The following OSBPL8 variants were observed in gnomAD, a reference collection of about 807,000 sequenced individuals.
OSBPL8 encodes the protein oxysterol-binding protein-related protein 8.
A neutral mutation model predicts 125.5 loss-of-function variants in OSBPL8; 59 were observed. The ratio of observed to expected loss-of-function variants is 0.47; its 90% CI spans 0.38 to 0.58. The LOEUF (loss-of-function observed/expected upper bound fraction) is 0.58, where lower values mean the gene tolerates loss of function less well. Ranked by LOEUF, OSBPL8 falls within the 20% of genes least tolerant of loss-of-function variation. The pLI, the probability that OSBPL8 is intolerant of heterozygous loss-of-function variation, is 0.00. For missense variants in OSBPL8, 758 were observed against 1,047.8 expected (o/e 0.72, Z 3.82); for synonymous variants, 330 against 338.9 (o/e 0.97, Z 0.29).
intron 4 of OSBPL8, among the ~76,000 whole-genome samples, chr12:76,414,073 A>G (rs966239452): frequency 1.3e-5 from 2 of 152,212 alleles, no homozygotes; most frequent in Non-Finnish European, 2.9e-5. Context: ...TCCACCTGGA[A>G]TTGACATTTG....
intron 8 of OSBPL8, among the ~76,000 whole-genome samples, chr12:76,397,248 T>TA (rs1216373598): frequency 1.7e-4 from 25 of 150,678 alleles, no homozygotes; most frequent in Admixed American, 4.0e-4. Context: ...TTATAGGCTT[T>TA]ACATCACTAC....
intron 1 of OSBPL8, among the ~76,000 whole-genome samples, chr12:76,556,338 C>T (rs768880018): frequency 2.6e-5 from 4 of 152,046 alleles, no homozygotes; most frequent in Admixed American, 6.6e-5. Context: ...ATAAGGTCTC[C>T]GAAAATAGCT....
chr12:76,492,731 A>T (rs1237442597), intron 1 of OSBPL8, among the ~76,000 whole-genome samples: 1 of 152,176 alleles, frequency 6.6e-6, no homozygotes, highest in Non-Finnish European at 1.5e-5. Context: ...TGGACCATCT[A>T]GCTGCAGGAA....
chr12:76,537,085 T>C (rs1277165427), intron 1 of OSBPL8: 1 of 152,502 alleles, frequency 6.6e-6, no homozygotes, highest in East Asian at 1.9e-4. Context: ...AATATAATTA[T>C]AGCTAAGCAA....
At chr12:76,536,924 C>T (rs756320869) in intron 1 of OSBPL8, 19 of 151,154 alleles carry the variant, frequency 1.3e-4, no homozygotes, top group African/African-American at 3.7e-4. Context: ...TGCTATGATA[C>T]ATGATAAATA....
intron 4 of OSBPL8, among the ~76,000 whole-genome samples, chr12:76,435,152 C>A: frequency 8.1e-6 from 1 of 123,880 alleles, no homozygotes; most frequent in African/African-American, 3.6e-5. Context: ...GTGTATATAT[C>A]TACGTGTGTG....
rs562182237 is a variant in OSBPL8, at chr12:76,471,167, C to T, written c.43-11272G>A. 5.3e-5 allele frequency among the ~76,000 whole-genome samples: 8 copies of T among 152,276 alleles called. No individual in the cohort carries two copies. In the East Asian group the frequency reaches 5.8e-4, roughly 11 times the overall value. ...TACCCTTTCAGAGCCTCGGTTTCTT[C>T]ATCTCTTAAAAACAGAGTAACATCT... On this transcript the variant is annotated intron_variant, in intron 2 of 23. Coordinates refer to ENST00000261183, the MANE Select transcript of OSBPL8 (RefSeq NM_020841.5).
At chr12:76,365,076 T>C (rs532630900) in intron 21 of OSBPL8, among the ~76,000 whole-genome samples, 14 of 152,176 alleles carry the variant, frequency 9.2e-5, no homozygotes, top group East Asian at 3.9e-4. Context: ...CCATCTCAGC[T>C]TCCCGAGTAG....
chr12:76,502,164 G>C (rs1246665942), intron 1 of OSBPL8, among the ~76,000 whole-genome samples: 3 of 152,174 alleles, frequency 2.0e-5, no homozygotes. Context: ...TATATGCTCT[G>C]GGTCAATATG....
At chr12:76,474,736 G>C (rs1446192144) in intron 2 of OSBPL8, among the ~76,000 whole-genome samples, 1 of 152,184 alleles carries the variant, frequency 6.6e-6, no homozygotes, top group Non-Finnish European at 1.5e-5. Flanking sequence ...TCCTGCCTCA[G>C]CCTCCCAAAG....
At chr12:76,440,295 G>T (rs186394162) in intron 4 of OSBPL8, among the ~76,000 whole-genome samples, 14 of 151,980 alleles carry the variant, frequency 9.2e-5, no homozygotes, top group Non-Finnish European at 1.5e-4. Context: ...GTTATCCCAC[G>T]TATTGATGAT....
Position 76,378,626 on chromosome 12 carries a change from C to T in OSBPL8, c.1631-76G>A, listed in dbSNP as rs1341412472. 8 of 999,120 alleles carry T rather than the reference C, an allele frequency of 8.0e-6. No homozygotes were observed. The South Asian group carries it at 8.9e-5, about 11-fold the overall frequency. 61.9% of individuals were successfully genotyped at this position (999,120 alleles called of 1,614,324 possible). ...CAAAACAAACAAAATATATTTAGAA[C>T]ACCTACCAGACATCTACAGTAGAAA... On this transcript the variant is annotated intron_variant, in intron 15 of 23. Transcript: ENST00000261183.
intron 4 of OSBPL8, among the ~76,000 whole-genome samples, chr12:76,437,318 A>C (rs899359500): frequency 6.6e-6 from 1 of 152,178 alleles, no homozygotes; most frequent in Non-Finnish European, 1.5e-5. Context: ...CAGACTTGAA[A>C]AATTTTTTTG....
At chr12:76,379,248 T>A (rs1326423438) in intron 15 of OSBPL8, among the ~76,000 whole-genome samples, 2 of 152,158 alleles carry the variant, frequency 1.3e-5, no homozygotes, top group Non-Finnish European at 2.9e-5. Flanking sequence ...ATGCTTATAA[T>A]TAATCCTATA....
chr12:76,395,698 G>A (rs964070560), intron 8 of OSBPL8, among the ~76,000 whole-genome samples: 7 of 152,014 alleles, frequency 4.6e-5, no homozygotes, highest in Non-Finnish European at 5.9e-5. Context: ...TGTACAATGG[G>A]AAGAAACTGT....
At chr12:76,387,850 T>C (rs1953384720) in intron 12 of OSBPL8, among the ~76,000 whole-genome samples, 1 of 152,154 alleles carries the variant, frequency 6.6e-6, no homozygotes, top group Admixed American at 6.5e-5. Flanking sequence ...ATTAAATATA[T>C]ATAGTTCAAA....
At chr12:76,461,260 A>T (rs1874689153) in intron 2 of OSBPL8, among the ~76,000 whole-genome samples, 1 of 152,052 alleles carries the variant, frequency 6.6e-6, no homozygotes, top group African/African-American at 2.4e-5. Flanking sequence ...TTATAAAGAG[A>T]CTGTGACTCC....
chr12:76,486,026 G>A (rs1878091226), intron 2 of OSBPL8: 1 of 433,950 alleles, frequency 2.3e-6, no homozygotes, highest in African/African-American at 2.0e-5. Flanking sequence ...TAAAAATAAA[G>A]TAACTTACCA....
chr12:76,433,318 T>A (rs979877286), intron 4 of OSBPL8, among the ~76,000 whole-genome samples: 3 of 152,108 alleles, frequency 2.0e-5, no homozygotes, highest in Non-Finnish European at 4.4e-5. Context: ...ATCATACACG[T>A]AGAAAACCCT....
Sources: gnomAD v4.1 joint callset for allele counts (sites outside exome capture counted in the v4.1 genomes callset) on GRCh38, gnomAD v4.1.1 for gene constraint, MANE v1.5 for transcripts, NCBI Gene and HGNC (gene_info 2026-07-23, HGNC 2026-07-21) for gene names.